PRR5L: variants seen among roughly 807,000 people sequenced by gnomAD.
The protein encoded by PRR5L is proline-rich protein 5-like.
In PRR5L, 21 loss-of-function variants were observed where a neutral mutation model predicts 36.4. That is an observed-to-expected ratio of 0.58 (90% CI 0.41 to 0.83). The LOEUF (loss-of-function observed/expected upper bound fraction) is 0.83. Ranked by LOEUF, PRR5L falls within the 40% of genes least tolerant of loss-of-function variation. The pLI is 0.00. For missense variants in PRR5L, 381 were observed against 473.3 expected (o/e 0.80, Z 1.81); for synonymous variants, 188 against 197.0 (o/e 0.95, Z 0.38).
rs925329224 is a variant in PRR5L, at chr11:36,463,607, T to C, written c.*871T>C. The C allele has an allele frequency of 6.6e-6, 1 of 152,276 alleles. No homozygotes were observed. Among genetic ancestry groups the C allele is most frequent in the African/African-American group, 2.4e-5 (1 of 41,260 alleles). The allele number at this position is 152,276 out of a possible 1,614,324, so 9.4% of individuals were successfully genotyped here. ...CAACCAACTGGCCTGTATCTATCTA[T>C]CTGGATTTGACTTGAATTTTTAAAA... On this transcript the variant is annotated 3_prime_UTR_variant, in exon 9 of 9. Transcript: ENST00000530639.
chr11:36,413,399 G>A lies in PRR5L; in HGVS notation c.246-5856G>A, dbSNP rs546064388. On this transcript the variant is annotated intron_variant, in intron 3 of 8. Coordinates refer to ENST00000530639, the MANE Select transcript of PRR5L (RefSeq NM_001160167.2). ...GGACTTACTCCTGCGATTCTTTCTC[G>A]GGCTTCTGGCCATGCTGCGGTAACC... 3.3e-5 allele frequency among the ~76,000 whole-genome samples: 5 copies of A among 152,210 alleles called. No homozygotes were observed. The South Asian group carries it at 1.0e-3, about 32-fold the overall frequency.
At position 36,462,865 on chromosome 11, in the gene PRR5L, G is replaced by T; in HGVS notation, c.*129G>T. 1.1e-6 allele frequency: 1 copy of T among 882,566 alleles called. No individual in the cohort carries two copies. The highest frequency in any genetic ancestry group is 1.6e-6 in the Non-Finnish European group (1 of 617,650). The allele number at this position is 882,566 out of a possible 1,614,324, so 54.7% of individuals were successfully genotyped here. Reference sequence around the variant, plus strand: ...CTTATTTCCTTTAGGGTACTGTCCTGGTCAAAATGACCTAAGGGGAAACCG... The same window carrying T: ...CTTATTTCCTTTAGGGTACTGTCCTTGTCAAAATGACCTAAGGGGAAACCG... On this transcript the variant is annotated 3_prime_UTR_variant, in exon 9 of 9. Transcript: ENST00000530639.
chr11:36,311,443 G>A (rs560241495), intron 1 of PRR5L, among the ~76,000 whole-genome samples: 4 of 152,126 alleles, frequency 2.6e-5, no homozygotes, highest in Non-Finnish European at 5.9e-5. Context: ...CTCCCTGCTT[G>A]GCCCCCTCAT....
At chr11:36,297,137 G>T (rs1371393680) in intron 1 of PRR5L, among the ~76,000 whole-genome samples, 1 of 152,086 alleles carries the variant, frequency 6.6e-6, no homozygotes, top group Non-Finnish European at 1.5e-5. Flanking sequence ...ATTCACCCGG[G>T]GTCACACAGT....
chr11:36,396,542 G>A (rs995979936), intron 1 of PRR5L, among the ~76,000 whole-genome samples: 8 of 152,200 alleles, frequency 5.3e-5, no homozygotes, highest in African/African-American at 1.9e-4. Context: ...CTGCTATCAT[G>A]GCTTGGCAAT....
At chr11:36,360,016 G>A (rs980158329) in intron 1 of PRR5L, among the ~76,000 whole-genome samples, 7 of 150,474 alleles carry the variant, frequency 4.7e-5, no homozygotes, top group Non-Finnish European at 1.0e-4. Flanking sequence ...CAGCCTGGGC[G>A]ACAGAGTGAG....
intron 3 of PRR5L, among the ~76,000 whole-genome samples, chr11:36,408,138 G>A (rs1284107504): frequency 2.0e-5 from 3 of 152,144 alleles, no homozygotes; most frequent in African/African-American, 7.2e-5. Flanking sequence ...GCCAGGTGTG[G>A]TGGTGTGCGC....
At position 36,344,561 on chromosome 11, in the gene PRR5L, T is replaced by A. The variant is rs1856846994; in HGVS notation, c.-126+48123T>A. On this transcript the variant is annotated intron_variant, in intron 1 of 8. Transcript: ENST00000530639. This position sits in a 1 kb window ranked among gnomAD's most constrained non-coding sequence, Gnocchi z 4.1. ...ACAACAAAACGGCCATCTCTGAAGG[T>A]GATTTTTGTTTATATTTCTTAGTAT... Among the ~76,000 whole-genome samples the A allele has an allele frequency of 6.6e-6, 1 of 152,180 alleles. No homozygotes were observed. Among genetic ancestry groups the A allele is most frequent in the South Asian group, 2.1e-4 (1 of 4,832 alleles).
chr11:36,458,859 A>G (rs1391162361), intron 8 of PRR5L, among the ~76,000 whole-genome samples: 1 of 151,864 alleles, frequency 6.6e-6, no homozygotes, highest in Non-Finnish European at 1.5e-5. Context: ...ATTGGGCCCC[A>G]CTCCCTTTCT....
At chr11:36,324,908 G>T (rs1856644786) in intron 1 of PRR5L, among the ~76,000 whole-genome samples, 1 of 151,940 alleles carries the variant, frequency 6.6e-6, no homozygotes, top group Non-Finnish European at 1.5e-5. Context: ...CAATTATTTT[G>T]TAATCTTTCT....
At chr11:36,449,163 G>C (rs1475413789) in intron 7 of PRR5L, among the ~76,000 whole-genome samples, 1 of 152,116 alleles carries the variant, frequency 6.6e-6, no homozygotes, top group Non-Finnish European at 1.5e-5. Context: ...ATCTTTCCCC[G>C]GCCCAAGTCC....
chr11:36,314,784 A>T (rs1429323110), intron 1 of PRR5L, among the ~76,000 whole-genome samples: 1 of 152,232 alleles, frequency 6.6e-6, no homozygotes, highest in Non-Finnish European at 1.5e-5. Flanking sequence ...CTTTGCAGAC[A>T]TCCAAATGTC....
intron 4 of PRR5L, among the ~76,000 whole-genome samples, chr11:36,422,954 T>A (rs56175619): frequency 6.6e-6 from 1 of 152,172 alleles, no homozygotes; most frequent in South Asian, 2.1e-4. Context: ...GTTCTGGATT[T>A]TCCTATTTAC....
chr11:36,307,487 C>T (rs1276009899), intron 1 of PRR5L, among the ~76,000 whole-genome samples: 3 of 152,160 alleles, frequency 2.0e-5, no homozygotes, highest in African/African-American at 7.2e-5. Context: ...CTCAGGGTGC[C>T]TCTTCTTTCC....
chr11:36,363,586 C>T lies in PRR5L; in HGVS notation c.-125-37411C>T, dbSNP rs116018108. On this transcript the variant is annotated intron_variant, in intron 1 of 8. Coordinates refer to ENST00000530639, the MANE Select transcript of PRR5L (RefSeq NM_001160167.2). Reference sequence around the variant, plus strand: ...CCGCCTTTGAGAGATGAATCAACCCCCGGGCAGGTTTCCTGCAAGGAGTGG... The same window carrying T: ...CCGCCTTTGAGAGATGAATCAACCCTCGGGCAGGTTTCCTGCAAGGAGTGG... Among the ~76,000 whole-genome samples the T allele has an allele frequency of 2.7e-3, 413 of 152,318 alleles. 1 individual carries two copies. Among genetic ancestry groups the T allele is most frequent in the African/African-American group, 9.7e-3 (404 of 41,566 alleles).
intron 5 of PRR5L, among the ~76,000 whole-genome samples, chr11:36,434,966 G>C (rs145035202): frequency 8.2e-4 from 125 of 152,230 alleles, no homozygotes; most frequent in African/African-American, 2.8e-3. Context: ...GCATTGAAAG[G>C]GGGAGTAAGT....
intron 1 of PRR5L, among the ~76,000 whole-genome samples, chr11:36,300,390 TCCATTATCA>T (rs1441414119): frequency 6.6e-6 from 1 of 152,040 alleles, no homozygotes; most frequent in Non-Finnish European, 1.5e-5. Context: ...AAGAACTCAC[TCCATTATCA>T]CCAGGGCAGC....
rs113364806 is a variant in PRR5L, at chr11:36,442,172, G to A, written c.445-4128G>A. Among the ~76,000 whole-genome samples the A allele has an allele frequency of 7.6e-3, 1,163 of 152,098 alleles. 15 individuals carry two copies. Among genetic ancestry groups the A allele is most frequent in the African/African-American group, 0.026 (1,065 of 41,466 alleles). On this transcript the variant is annotated intron_variant, in intron 6 of 8. Coordinates refer to ENST00000530639, the MANE Select transcript of PRR5L (RefSeq NM_001160167.2). ...CACAGCTCTCTTATATTTCTCTCCT[G>A]CAAATGCCTTTTCCTTCTTCACTGC...
At chr11:36,413,150 G>A (rs1473314906) in intron 3 of PRR5L, among the ~76,000 whole-genome samples, 1 of 152,198 alleles carries the variant, frequency 6.6e-6, no homozygotes, top group Non-Finnish European at 1.5e-5. Context: ...ATGGATTGTA[G>A]ATTTGTAACA....
Sources: allele counts gnomAD v4.1 joint callset (sites outside exome capture counted in the v4.1 genomes callset), GRCh38; gene constraint gnomAD v4.1.1; non-coding constraint Gnocchi (gnomAD v3.1); transcripts MANE v1.5; gene names NCBI Gene and HGNC (gene_info 2026-07-23, HGNC 2026-07-21).